EFCAB6: variants seen among roughly 807,000 people sequenced by gnomAD.
The protein encoded by EFCAB6 is EF-hand calcium binding domain 6, also known as EF-hand calcium-binding domain-containing protein 6.
Under a neutral mutation model 169.8 loss-of-function variants are expected in EFCAB6, and 156 were observed. The ratio of observed to expected loss-of-function variants is 0.92; its 90% CI spans 0.81 to 1.05. The LOEUF (loss-of-function observed/expected upper bound fraction) is 1.05, where lower values mean the gene tolerates loss of function less well. EFCAB6 is among the 50% of genes least tolerant of loss of function. The probability of loss-of-function intolerance (pLI) is 0.00; values close to 1 mark genes in which losing one functional copy is unlikely to be tolerated. For synonymous variants in EFCAB6, 698 were observed against 676.4 expected (o/e 1.03, Z -0.50); for missense variants, 1,800 against 1,829.1 (o/e 0.98, Z 0.29).
intron 2 of EFCAB6, 95 bp from the exon 3 acceptor site, chr22:43,782,420 T>G: frequency 9.3e-7 from 1 of 1,071,698 alleles, no homozygotes; most frequent in Non-Finnish European, 1.4e-6. Flanking sequence ...AAGGGACAGC[T>G]GCAGAGTGTA....
intron 5 of EFCAB6, among the ~76,000 whole-genome samples, chr22:43,761,032 C>T (rs1452444860): frequency 6.6e-6 from 1 of 152,226 alleles, no homozygotes; most frequent in Non-Finnish European, 1.5e-5. Flanking sequence ...TCTTGATTGA[C>T]ACACAGGTCA....
intron 9 of EFCAB6, among the ~76,000 whole-genome samples, chr22:43,712,319 C>CTGATT (rs1437484760): frequency 4.5e-5 from 5 of 111,284 alleles, no homozygotes; most frequent in South Asian, 6.6e-4. Context: ...CTTCAACCAT[C>CTGATT]CCACTTTGTC....
At chr22:43,790,644 T>C (rs571531523) in intron 2 of EFCAB6, among the ~76,000 whole-genome samples, 26 of 152,280 alleles carry the variant, frequency 1.7e-4, no homozygotes, top group African/African-American at 6.3e-4. Context: ...TTGGCTCTTA[T>C]TGTGATACCT....
intron 5 of EFCAB6, among the ~76,000 whole-genome samples, chr22:43,761,108 A>G (rs5763985): frequency 0.48 from 72,346 of 152,110 alleles, 18,681 homozygotes; most frequent in East Asian, 0.96. Context: ...AAAAGGGCTT[A>G]TAGGAGGGTG....
chr22:43,667,930 C>G (rs898287129), intron 16 of EFCAB6, among the ~76,000 whole-genome samples: 1 of 152,198 alleles, frequency 6.6e-6, no homozygotes, highest in African/African-American at 2.4e-5. Flanking sequence ...AGCCCTGAGA[C>G]AGTCATGGAG....
intron 8 of EFCAB6, among the ~76,000 whole-genome samples, chr22:43,730,551 C>A (rs985911766): frequency 6.6e-6 from 1 of 152,008 alleles, no homozygotes; most frequent in Non-Finnish European, 1.5e-5. Context: ...GGTAAAAGTA[C>A]ATTCTTACAG....
At chr22:43,694,298 A>G (rs1425434577) in intron 10 of EFCAB6, among the ~76,000 whole-genome samples, 2 of 152,132 alleles carry the variant, frequency 1.3e-5, no homozygotes, top group Non-Finnish European at 2.9e-5. Context: ...TTCTATATTA[A>G]CTTTCTCAAA....
rs367544991 is a variant in EFCAB6, at chr22:43,608,444, A to G, written c.2681+38T>C. The G allele has an allele frequency of 7.2e-5, 115 of 1,595,946 alleles. 1 individual carries two copies. The African/African-American group carries it at 1.2e-3, about 17-fold the overall frequency. ...TTGCCACAGCAAGCACCCCTAGTCC[A>G]TAAGAATGGAAACCAACCAGTCTCA... On this transcript the variant is annotated intron_variant, in intron 22 of 31. Coordinates refer to ENST00000262726, the MANE Select transcript of EFCAB6 (RefSeq NM_022785.4).
intron 28 of EFCAB6, among the ~76,000 whole-genome samples, chr22:43,539,503 T>C (rs2047570131): frequency 6.6e-6 from 1 of 152,184 alleles, no homozygotes; most frequent in Non-Finnish European, 1.5e-5. Flanking sequence ...GGTGGCTTCA[T>C]GTGCATGGTG....
At chr22:43,739,697 T>C (rs2060296057) in intron 6 of EFCAB6, among the ~76,000 whole-genome samples, 1 of 152,140 alleles carries the variant, frequency 6.6e-6, no homozygotes, top group Non-Finnish European at 1.5e-5. Context: ...TTCCTTTTTG[T>C]TCACATCCCA....
chr22:43,727,061 T>C (rs2059762674), intron 8 of EFCAB6, among the ~76,000 whole-genome samples: 1 of 152,208 alleles, frequency 6.6e-6, no homozygotes, highest in Non-Finnish European at 1.5e-5. Flanking sequence ...TCTTATGGTA[T>C]AATGTTGAAA....
chr22:43,783,270 G>C lies in EFCAB6; in HGVS notation c.-7-945C>G, dbSNP rs550814522. Among the ~76,000 whole-genome samples the C allele has an allele frequency of 3.3e-5, 5 of 152,288 alleles. No individual in the cohort carries two copies. In the South Asian group the frequency reaches 1.0e-3, roughly 32 times the overall value. The stretch of plus-strand genomic sequence containing the variant: ...GGGGCAAATAATAGGCAACCAAAAA[G>C]CTTCAAGGGAAAAGCTGGGGAATGA... On this transcript the variant is annotated intron_variant, in intron 2 of 31. Coordinates refer to ENST00000262726, the MANE Select transcript of EFCAB6 (RefSeq NM_022785.4).
At position 43,668,888 on chromosome 22, in the gene EFCAB6, G is replaced by A. The variant is rs147421273; in HGVS notation, c.1798C>T (p.Pro600Ser). ...EHLQKDEQQQ[P>S]DLSERTKLTE... ...TAATTTTACCTCTCAGAAAGATCTG[G>A]CTGCTGCTGTTCATCTTTTTGTAAA... is the stretch of plus-strand genomic sequence containing the variant. The change falls in exon 16 of 32, where the codon CCA becomes TCA. Residue 600 changes from proline (P) to serine (S), a missense_variant. Physicochemically the swap from Pro to Ser is moderately conservative, Grantham distance 74. Coordinates refer to ENST00000262726, the MANE Select transcript of EFCAB6 (RefSeq NM_022785.4). The A allele has an allele frequency of 1.4e-5, 22 of 1,603,140 alleles. No individual in the cohort carries two copies. Among genetic ancestry groups the A allele is most frequent in the Admixed American group, 1.7e-5 (1 of 58,674 alleles).
At chr22:43,661,226 A>C (rs1455323733) in intron 17 of EFCAB6, among the ~76,000 whole-genome samples, 1 of 152,082 alleles carries the variant, frequency 6.6e-6, no homozygotes, top group Non-Finnish European at 1.5e-5. Flanking sequence ...AAATTTTTAA[A>C]AATTATTCAG....
intron 20 of EFCAB6, among the ~76,000 whole-genome samples, chr22:43,618,226 A>AAGAAAG (rs1569257611): frequency 1.0e-4 from 15 of 144,888 alleles, no homozygotes; most frequent in South Asian, 9.1e-4. Context: ...AAGAAAGAGA[A>AAGAAAG]AGAAAGAAAG....
intron 11 of EFCAB6, 109 bp from the exon 12 acceptor site, chr22:43,683,964 T>G: frequency 1.3e-6 from 1 of 773,184 alleles, no homozygotes; most frequent in Non-Finnish European, 2.1e-6. Flanking sequence ...GAGCTTTCTC[T>G]GTGCGTGGCT....
intron 2 of EFCAB6, among the ~76,000 whole-genome samples, chr22:43,800,200 G>T (rs1184483888): frequency 3.3e-5 from 5 of 152,172 alleles, no homozygotes; most frequent in Non-Finnish European, 7.3e-5. Flanking sequence ...TTCCCACGCT[G>T]CTGGGACATC....
chr22:43,738,469 A>G (rs549991840), intron 6 of EFCAB6, among the ~76,000 whole-genome samples: 5 of 151,532 alleles, frequency 3.3e-5, no homozygotes, highest in South Asian at 4.2e-4. Context: ...TCACTCACAC[A>G]CACATATATT....
chr22:43,774,042 T>C (rs963779082), intron 3 of EFCAB6, among the ~76,000 whole-genome samples: 12 of 151,986 alleles, frequency 7.9e-5, no homozygotes, highest in African/African-American at 2.9e-4. Flanking sequence ...AGGTAGGAAA[T>C]TACATAGTAA....
Sources: allele counts gnomAD v4.1 joint callset (sites outside exome capture counted in the v4.1 genomes callset), GRCh38; gene constraint gnomAD v4.1.1; transcripts MANE v1.5; gene names NCBI Gene and HGNC (gene_info 2026-07-23, HGNC 2026-07-21).